Variants in TMEM63C observed in about 807,000 individuals in gnomAD.
The protein encoded by TMEM63C is osmosensitive cation channel TMEM63C.
Under a neutral mutation model 99.2 loss-of-function variants are expected in TMEM63C, and 32 were observed. The observed-to-expected ratio is 0.32, with a 90% confidence interval of 0.24 to 0.43. The LOEUF (loss-of-function observed/expected upper bound fraction) is 0.43, where lower values mean the gene tolerates loss of function less well. Ranked by LOEUF, TMEM63C falls within the 20% of genes least tolerant of loss-of-function variation. TMEM63C has a pLI of 1.00. For missense variants in TMEM63C, 826 were observed against 1,053.0 expected, an observed-to-expected ratio of 0.78 and a Z score of 2.98; for synonymous variants, 376 against 397.9, an observed-to-expected ratio of 0.94 and a Z score of 0.66.
Position 77,239,732 on chromosome 14 carries a change from T to A in TMEM63C, c.930+6T>A. 6.2e-7 allele frequency: 1 copy of A among 1,612,684 alleles called. No individual in the cohort carries two copies. Among genetic ancestry groups the A allele is most frequent in the Non-Finnish European group, 8.5e-7 (1 of 1,179,554 alleles). ...GCTGGACCTGCTTCAAGGAGGTAAC[T>A]GGCTTGAGCGTTGGGAGCACAGCAA... On this transcript the variant is annotated splice_donor_region_variant and intron_variant, in intron 12 of 23. Transcript: ENST00000298351.
At chr14:77,194,175 C>T (rs1024270123) in intron 1 of TMEM63C, among the ~76,000 whole-genome samples, 3 of 152,164 alleles carry the variant, frequency 2.0e-5, no homozygotes, top group Non-Finnish European at 4.4e-5. Context: ...TGTAGTGCAT[C>T]GGTTCAGTGG....
At chr14:77,188,213 G>A (rs563198232) in intron 1 of TMEM63C, among the ~76,000 whole-genome samples, 14 of 152,212 alleles carry the variant, frequency 9.2e-5, no homozygotes, top group Non-Finnish European at 1.6e-4. Context: ...GATCTTAACA[G>A]CCTTGAATGC....
intron 1 of TMEM63C, among the ~76,000 whole-genome samples, chr14:77,182,194 T>TG (rs1241838806): frequency 4.6e-5 from 7 of 151,802 alleles, no homozygotes; most frequent in African/African-American, 1.7e-4. Flanking sequence ...GAGGTTTGCT[T>TG]GGGGGGTCCC....
chr14:77,218,937 C>T lies in TMEM63C; in HGVS notation c.124C>T (p.Leu42=). ...GQPFGGVPTV[L]CLNIALWVLV... ...GCCCTTTGGGGGTGTCCCCACCGTG[C>T]TGTGCCTCAACATCGCCCTGTGGGT... Residue 42 remains leucine (L), a synonymous_variant, in exon 3 of 24, where the codon CTG becomes TTG. Transcript: ENST00000298351. 2 of 1,603,968 alleles carry T rather than the reference C, an allele frequency of 1.2e-6. No homozygotes were observed. The highest frequency in any genetic ancestry group is 1.7e-6 in the Non-Finnish European group (2 of 1,175,334).
At chr14:77,201,528 A>G (rs1888299911) in intron 1 of TMEM63C, among the ~76,000 whole-genome samples, 1 of 152,114 alleles carries the variant, frequency 6.6e-6, no homozygotes, top group African/African-American at 2.4e-5. Flanking sequence ...ATGGTCTAGG[A>G]TAGTGATTCT....
chr14:77,242,053 A>G (rs1182005929), intron 13 of TMEM63C, among the ~76,000 whole-genome samples: 4 of 152,016 alleles, frequency 2.6e-5, no homozygotes, highest in African/African-American at 7.2e-5. Context: ...GAGTGTGTTT[A>G]TGTGCTGTCA....
chr14:77,195,243 G>C (rs1888195913), intron 1 of TMEM63C, among the ~76,000 whole-genome samples: 1 of 152,186 alleles, frequency 6.6e-6, no homozygotes, highest in South Asian at 2.1e-4. Context: ...GCGGGCCCAA[G>C]AGTTCACCGC....
chr14:77,218,016 T>C (rs1459291562), intron 2 of TMEM63C, among the ~76,000 whole-genome samples: 1 of 152,160 alleles, frequency 6.6e-6, no homozygotes, highest in Non-Finnish European at 1.5e-5. Context: ...TAGTATTTAC[T>C]AGCACAACAG....
chr14:77,188,115 A>C (rs1288899463), intron 1 of TMEM63C, among the ~76,000 whole-genome samples: 1 of 152,000 alleles, frequency 6.6e-6, no homozygotes. Context: ...CCTTATCCCT[A>C]TCCTCATCTG....
chr14:77,216,934 G>A (rs942097229), intron 2 of TMEM63C, among the ~76,000 whole-genome samples: 1 of 152,122 alleles, frequency 6.6e-6, no homozygotes, highest in Non-Finnish European at 1.5e-5. Flanking sequence ...GGGAGTCCGA[G>A]GCAGGAGAAT....
intron 1 of TMEM63C, among the ~76,000 whole-genome samples, chr14:77,191,590 G>T (rs1168549083): frequency 1.5e-5 from 2 of 130,080 alleles, no homozygotes; most frequent in Admixed American, 9.4e-5. Context: ...TATTGCCCAG[G>T]CTGGAGTGCA....
Position 77,239,498 on chromosome 14 carries a change from G to T in TMEM63C, c.806+6G>T, listed in dbSNP as rs921204443. ...ATCGACTTGGACGATCAGAGGTGAGGCTGCAGCGGGGCCTTTTGGGGCCCG... is the reference window on the plus strand; with the variant it reads ...ATCGACTTGGACGATCAGAGGTGAGTCTGCAGCGGGGCCTTTTGGGGCCCG... On this transcript the variant is annotated splice_donor_region_variant and intron_variant, in intron 11 of 23. Coordinates refer to ENST00000298351, the MANE Select transcript of TMEM63C (RefSeq NM_020431.4). 3 of 1,613,410 alleles carry T rather than the reference G, an allele frequency of 1.9e-6. No homozygotes were observed. The South Asian group carries it at 3.3e-5, about 18-fold the overall frequency.
At chr14:77,220,874 C>T (rs1424737097) in intron 5 of TMEM63C, among the ~76,000 whole-genome samples, 1 of 146,674 alleles carries the variant, frequency 6.8e-6, no homozygotes, top group Non-Finnish European at 1.5e-5. Flanking sequence ...GCCCCGCCTC[C>T]CACTCACGCC....
At chr14:77,237,192 A>G (rs973441899) in intron 9 of TMEM63C, among the ~76,000 whole-genome samples, 2 of 152,088 alleles carry the variant, frequency 1.3e-5, no homozygotes, top group Admixed American at 1.3e-4. Flanking sequence ...TAAAGGATTA[A>G]CAAGGCCCAG....
chr14:77,189,015 C>T (rs1888053876), intron 1 of TMEM63C, among the ~76,000 whole-genome samples: 1 of 152,094 alleles, frequency 6.6e-6, no homozygotes, highest in Admixed American at 6.5e-5. Context: ...CATATGGATA[C>T]ATCCTGTATT....
At chr14:77,215,055 C>T (rs1888556876) in intron 2 of TMEM63C, among the ~76,000 whole-genome samples, 1 of 152,178 alleles carries the variant, frequency 6.6e-6, no homozygotes, top group South Asian at 2.1e-4. Flanking sequence ...TCTACCCCTA[C>T]TAAGTCTTCC....
rs199846522 is a variant in TMEM63C, at chr14:77,240,545, G to A, written c.1001G>A (p.Arg334His). 3.8e-3 allele frequency: 6,045 copies of A among 1,611,900 alleles called. 17 individuals carry two copies. Among genetic ancestry groups the A allele is most frequent in the Non-Finnish European group, 4.4e-3 (5,220 of 1,179,830 alleles). ...GACGAGTTCAACGCCGAGCTCAACCGCGTGCCGCTCAAGCGGCTGGACCTG... is the reference window on the plus strand; with the variant it reads ...GACGAGTTCAACGCCGAGCTCAACCACGTGCCGCTCAAGCGGCTGGACCTG... Reference protein sequence around the residue: ...LTDEFNAELNRVPLKRLDLIF... With the variant: ...LTDEFNAELNHVPLKRLDLIF... The change falls in exon 13 of 24, where the codon CGC (arginine) becomes CAC (histidine). Residue 334 changes from arginine (R) to histidine (H), a missense_variant. Physicochemically the swap from Arg to His is conservative, Grantham distance 29. Transcript: ENST00000298351.
At chr14:77,252,075 G>A (rs1428351476) in intron 22 of TMEM63C, among the ~76,000 whole-genome samples, 177 bp downstream of exon 22, 1 of 137,500 alleles carries the variant, frequency 7.3e-6, no homozygotes, top group African/African-American at 3.0e-5. Flanking sequence ...TGCATGCCTT[G>A]CGTGCATGCG....
chr14:77,197,987 C>T (rs992355745), intron 1 of TMEM63C, among the ~76,000 whole-genome samples: 1 of 152,352 alleles, frequency 6.6e-6, no homozygotes, highest in East Asian at 1.9e-4. Flanking sequence ...GCCCTGCATC[C>T]GCACACAAGG....
Sources: gnomAD v4.1 joint callset for allele counts (sites outside exome capture counted in the v4.1 genomes callset) on GRCh38, gnomAD v4.1.1 for gene constraint, MANE v1.5 for transcripts, NCBI Gene and HGNC (gene_info 2026-07-23, HGNC 2026-07-21) for gene names.